FCHO1: variants seen among roughly 807,000 people sequenced by gnomAD.
FCHO1 encodes F-BAR domain only protein 1.
In FCHO1, 45 loss-of-function variants were observed where a neutral mutation model predicts 114.4. The ratio of observed to expected loss-of-function variants is 0.39; its 90% confidence interval spans 0.31 to 0.50. The LOEUF (loss-of-function observed/expected upper bound fraction) is 0.50. Ranked by LOEUF, FCHO1 falls within the 20% of genes least tolerant of loss-of-function variation. The probability of loss-of-function intolerance (pLI) is 0.77; values close to 1 mark genes in which losing one functional copy is unlikely to be tolerated. For missense variants in FCHO1, 1,042 were observed against 1,209.6 expected (o/e 0.86, Z 2.06); for synonymous variants, 480 against 488.9 (o/e 0.98, Z 0.24).
Position 17,784,080 on chromosome 19 carries a change from G to A in FCHO1, c.2094-23G>A. 6.2e-7 allele frequency: 1 copy of A among 1,606,940 alleles called. No individual in the cohort carries two copies. Among genetic ancestry groups the A allele is most frequent in the Non-Finnish European group, 8.5e-7 (1 of 1,174,936 alleles). ...GGGAGGGCATGTCCCGAGGATTGGGGTGATCAGTCCGGGTCTCTGCAGTGA... is the reference window on the plus strand; with the variant it reads ...GGGAGGGCATGTCCCGAGGATTGGGATGATCAGTCCGGGTCTCTGCAGTGA... On this transcript the variant is annotated intron_variant, in intron 24 of 28. Coordinates refer to ENST00000596536, the MANE Select transcript of FCHO1 (RefSeq NM_015122.3). The surrounding 1 kb of genome is among the most constrained non-coding windows in gnomAD (Gnocchi z 5.3).
chr19:17,783,959 C>A, intron 24 of FCHO1, 144 bp from the exon 25 acceptor site: 1 of 955,384 alleles, frequency 1.0e-6, no homozygotes, highest in Non-Finnish European at 1.6e-6. Context: ...TCCTTTACTG[C>A]CCGCACCACA....
At chr19:17,760,338 A>G (rs555356284) in intron 4 of FCHO1, among the ~76,000 whole-genome samples, 2 of 152,100 alleles carry the variant, frequency 1.3e-5, no homozygotes, top group Non-Finnish European at 2.9e-5. Flanking sequence ...GGTGTGAGGC[A>G]CCGCGCCCGG....
chr19:17,780,161 C>G (rs1276238478), intron 20 of FCHO1, among the ~76,000 whole-genome samples: 7 of 103,398 alleles, frequency 6.8e-5, no homozygotes, highest in African/African-American at 2.2e-4. Flanking sequence ...AGAAGAAGCT[C>G]TTTTTTTTTT....
Position 17,784,274 on chromosome 19 carries a change from T to C in FCHO1, c.2226+39T>C, listed in dbSNP as rs758877513. 1.3e-6 allele frequency: 2 copies of C among 1,560,288 alleles called. No individual in the cohort carries two copies. The highest frequency in any genetic ancestry group is 2.4e-5 in the East Asian group (1 of 41,680). ...ATGGGGCCGGGAGGAGGTGGTGGAG[T>C]GGGGGACACGGTGAGCCGGCAGCAG... On this transcript the variant is annotated intron_variant, in intron 25 of 28. Coordinates refer to ENST00000596536, the MANE Select transcript of FCHO1 (RefSeq NM_015122.3). This position sits in a 1 kb window ranked among gnomAD's most constrained non-coding sequence, Gnocchi z 5.3.
chr19:17,782,018 A>G (rs1313533197), intron 23 of FCHO1, among the ~76,000 whole-genome samples, 198 bp downstream of exon 23: 1 of 93,962 alleles, frequency 1.1e-5, no homozygotes, highest in Non-Finnish European at 2.0e-5. Context: ...TTTTTTTTTG[A>G]GACAGAGTTT....
chr19:17,759,232 T>TTTTTTTTTTTTTG (rs2085088631), intron 4 of FCHO1, among the ~76,000 whole-genome samples: 1 of 137,664 alleles, frequency 7.3e-6, no homozygotes, highest in South Asian at 2.4e-4. Context: ...TTACCTTTTT[T>TTTTTTTTTTTTTG]TTTTTTTTGA....
chr19:17,777,734 TG>T (rs1430811124), intron 18 of FCHO1, among the ~76,000 whole-genome samples: 3 of 151,816 alleles, frequency 2.0e-5, no homozygotes, highest in Non-Finnish European at 4.4e-5. Flanking sequence ...TGAAGAGAGC[TG>T]GGGAAATGGA....
intron 26 of FCHO1, among the ~76,000 whole-genome samples, chr19:17,786,354 CAAAA>C (rs1301593969): frequency 7.7e-6 from 1 of 129,718 alleles, no homozygotes; most frequent in Non-Finnish European, 1.7e-5. Flanking sequence ...CAAAAAAACA[CAAAA>C]CAAACACACA....
At chr19:17,787,242 AAAAAAAAAAAAG>A (rs1289984245) in intron 27 of FCHO1, among the ~76,000 whole-genome samples, 1 of 147,832 alleles carries the variant, frequency 6.8e-6, no homozygotes, top group Non-Finnish European at 1.5e-5. Flanking sequence ...AAAAAAAAAA[AAAAAAAAAAAAG>A]CTGGAGGAGG....
In FCHO1 at chr19:17,778,118, T is replaced by A; in HGVS notation, c.1260-19T>A. ...CTTGGGAAAAATAGAAGCAGCCCTC[T>A]TGGCCTCACCCTCTCTAGCTGTGCA... On this transcript the variant is annotated intron_variant, in intron 18 of 28. Coordinates refer to ENST00000596536, the MANE Select transcript of FCHO1 (RefSeq NM_015122.3). 1 of 1,601,592 alleles carries A rather than the reference T, an allele frequency of 6.2e-7. No individual in the cohort carries two copies. The highest frequency in any genetic ancestry group is 8.6e-7 in the Non-Finnish European group (1 of 1,168,926).
chr19:17,765,405 C>G (rs1028306359), intron 6 of FCHO1, among the ~76,000 whole-genome samples: 19 of 152,108 alleles, frequency 1.2e-4, no homozygotes, highest in African/African-American at 4.6e-4. Flanking sequence ...GGCGCGGTGG[C>G]TCAAGCCTTT....
In FCHO1 at chr19:17,783,131, C is replaced by T. The variant is rs199869164; in HGVS notation, c.2052C>T (p.Thr684=). ...PVLSFRLVHT[T]AIEHFQPNAD... ...TCAGCTTCCGGCTTGTACACACAAC[C>T]GCTATTGAGCACTTCCAGCCCAACG... is the stretch of plus-strand genomic sequence containing the variant. The change falls in exon 24 of 29, where the codon ACC becomes ACT. Residue 684 remains threonine (T), a synonymous_variant. Coordinates refer to ENST00000596536, the MANE Select transcript of FCHO1 (RefSeq NM_015122.3). The T allele has an allele frequency of 1.7e-5, 28 of 1,614,156 alleles. No homozygotes were observed. The highest frequency in any genetic ancestry group is 4.5e-5 in the East Asian group (2 of 44,878).
intron 19 of FCHO1, 164 bp downstream of exon 19, chr19:17,778,392 T>A: frequency 1.3e-6 from 1 of 749,160 alleles, no homozygotes; most frequent in Non-Finnish European, 2.2e-6. Flanking sequence ...GGGCCATAGA[T>A]AGGGTGGGGC....
At position 17,759,283 on chromosome 19, in the gene FCHO1, C is replaced by T. The variant is rs370275462; in HGVS notation, c.28-3479C>T. On this transcript the variant is annotated intron_variant, in intron 4 of 28. Transcript: ENST00000596536. ...TGTCAGCCAGGCTGGAGTGCAGTGG[C>T]GGGATCTCAGCTCACTGCAACCTCT... is the stretch of plus-strand genomic sequence containing the variant. Among the ~76,000 whole-genome samples, 7 of 127,886 alleles carry T rather than the reference C, an allele frequency of 5.5e-5. No individual in the cohort carries two copies. In the Admixed American group the frequency reaches 7.2e-4, roughly 13 times the overall value. 83.9% of individuals were successfully genotyped at this position (127,886 alleles called of 152,430 possible).
chr19:17,781,930 A>G, intron 23 of FCHO1, 110 bp downstream of exon 23: 4 of 692,348 alleles, frequency 5.8e-6, no homozygotes, highest in South Asian at 2.2e-5. Context: ...AAGGGCCTTG[A>G]ACACTGAGCC....
Position 17,763,927 on chromosome 19 carries a change from C to T in FCHO1, c.120-448C>T, listed in dbSNP as rs142595175. ...TCTTCTATGAATTTTCAAAACATCC[C>T]TCAGAGTGTTGTGTCATCCCCCCAT... On this transcript the variant is annotated intron_variant, in intron 5 of 28. Coordinates refer to ENST00000596536, the MANE Select transcript of FCHO1 (RefSeq NM_015122.3). 7.9e-5 allele frequency among the ~76,000 whole-genome samples: 12 copies of T among 152,098 alleles called. No individual in the cohort carries two copies. The East Asian group carries it at 1.5e-3, about 20-fold the overall frequency.
chr19:17,787,673 T>C lies in FCHO1; in HGVS notation c.2483-9T>C. On this transcript the variant is annotated splice_polypyrimidine_tract_variant and intron_variant, in intron 27 of 28. Transcript: ENST00000596536. ...GTGCCAGGGCGCAGCTGACTGCAGG[T>C]CTCCCCAGGTTCTGGCCGCCTCTCT... The C allele has an allele frequency of 6.5e-7, 1 of 1,549,058 alleles. No homozygotes were observed.
At chr19:17,772,411 C>A in intron 9 of FCHO1, 46 bp from the exon 10 acceptor site, 1 of 1,452,806 alleles carries the variant, frequency 6.9e-7, no homozygotes, top group Non-Finnish European at 9.7e-7. Context: ...GCCACTTCTT[C>A]TTGGCCCTGA....
At chr19:17,765,725 T>G (rs1318507869) in intron 6 of FCHO1, among the ~76,000 whole-genome samples, 1 of 151,772 alleles carries the variant, frequency 6.6e-6, no homozygotes, top group East Asian at 1.9e-4. Context: ...CCGATGGCAT[T>G]TGCAGTTTTC....
Sources: gnomAD v4.1 joint callset for allele counts (sites outside exome capture counted in the v4.1 genomes callset) on GRCh38, gnomAD v4.1.1 for gene constraint, Gnocchi (gnomAD v3.1) non-coding constraint, MANE v1.5 for transcripts, NCBI Gene and HGNC (gene_info 2026-07-23, HGNC 2026-07-21) for gene names.